The following TYW1B variants were observed in gnomAD, a reference collection of about 807,000 sequenced individuals.
TYW1B encodes tRNA-yW synthesizing protein 1 homolog B.
In TYW1B, 73 loss-of-function variants were observed where a neutral mutation model predicts 86.9. The observed-to-expected ratio is 0.84, with a 90% confidence interval of 0.70 to 1.02. The LOEUF (loss-of-function observed/expected upper bound fraction) is 1.02. TYW1B is among the 50% of genes least tolerant of loss of function. TYW1B has a pLI of 0.00. For synonymous variants in TYW1B, 248 were observed against 292.8 expected (o/e 0.85, Z 1.56); for missense variants, 637 against 827.4 (o/e 0.77, Z 2.82).
At chr7:72,639,885 T>C (rs1386372712) in intron 11 of TYW1B, among the ~76,000 whole-genome samples, 3 of 144,414 alleles carry the variant, frequency 2.1e-5, no homozygotes, top group African/African-American at 5.1e-5. Flanking sequence ...AAAAAAAGAA[T>C]GGTAAGGTCA....
chr7:72,610,883 T>C (rs1487009786), intron 13 of TYW1B, among the ~76,000 whole-genome samples: 1 of 152,188 alleles, frequency 6.6e-6, no homozygotes, highest in African/African-American at 2.4e-5. Context: ...ACTGTGGCAC[T>C]CCCCTACCTA....
intron 11 of TYW1B, among the ~76,000 whole-genome samples, chr7:72,656,319 G>A (rs1264447758): frequency 6.6e-6 from 1 of 152,170 alleles, no homozygotes; most frequent in Non-Finnish European, 1.5e-5. Flanking sequence ...CTTTGCCTCT[G>A]AAAGCTAATC....
chr7:72,677,055 G>C (rs1554447586), intron 11 of TYW1B, among the ~76,000 whole-genome samples: 1 of 152,142 alleles, frequency 6.6e-6, no homozygotes, highest in African/African-American at 2.4e-5. Flanking sequence ...AGGTAGTGAT[G>C]ATTTCACAAG....
intron 7 of TYW1B, among the ~76,000 whole-genome samples, chr7:72,776,708 G>A (rs1242674392): frequency 6.6e-6 from 1 of 150,876 alleles, no homozygotes; most frequent in African/African-American, 2.4e-5. Context: ...CAGGAAAAGG[G>A]AAATAAAAAA....
chr7:72,704,403 C>A lies in TYW1B; in HGVS notation c.1370+9218G>T, dbSNP rs534236474. On this transcript the variant is annotated intron_variant, in intron 10 of 13. Coordinates refer to ENST00000620995, the MANE Select transcript of TYW1B (RefSeq NM_001145440.3). ...GAGCCCAGATCGCACCACTGCACTC[C>A]AGCATAGGAGACAGAATGAGATTCT... 1.4e-3 allele frequency among the ~76,000 whole-genome samples: 209 copies of A among 145,684 alleles called. 2 individuals are homozygous for A. The highest frequency in any genetic ancestry group is 3.5e-3 in the African/African-American group (135 of 38,980).
At position 72,662,422 on chromosome 7, in the gene TYW1B, T is replaced by TAGATAGATAG. The variant is rs1813352098; in HGVS notation, c.1506+32264_1506+32265insCTATCTATCT. 2.4e-3 allele frequency among the ~76,000 whole-genome samples: 165 copies of TAGATAGATAG among 70,072 alleles called. 1 individual carries two copies. Among genetic ancestry groups the TAGATAGATAG allele is most frequent in the South Asian group, 3.2e-3 (7 of 2,198 alleles). The allele number at this position is 70,072 out of a possible 152,430, so 46.0% of individuals were successfully genotyped here. A position where few individuals can be genotyped will look rare whatever the true frequency, so the allele number is the denominator to read the frequency against. On this transcript the variant is annotated intron_variant, in intron 11 of 13. Coordinates refer to ENST00000620995, the MANE Select transcript of TYW1B (RefSeq NM_001145440.3). ...TATATCCCTTCAGGTTTTTAATATA[T>TAGATAGATAG]ATATATAGATAGATAGATAGATAGA...
intron 10 of TYW1B, among the ~76,000 whole-genome samples, chr7:72,705,308 C>T (rs1435878097): frequency 6.6e-6 from 1 of 152,170 alleles, no homozygotes; most frequent in Non-Finnish European, 1.5e-5. Context: ...GGGTGAATGT[C>T]TCAGCAAAAA....
In TYW1B at chr7:72,807,162, G is replaced by A; in HGVS notation, c.627C>T (p.His209=). The stretch of plus-strand genomic sequence containing the variant: ...GAGATTCACATTTGCCTTTCTTGCA[G>A]TGGCCGCCACAGGACTTCTTTCTCT... ...KGERKKSCGG[H]CKKGKCESHQ... is the part of the protein sequence containing the mutation. Residue 209 remains histidine, a synonymous_variant, in exon 5 of 14, where the codon CAC becomes CAT. Transcript: ENST00000620995. 1 of 1,614,022 alleles carries A rather than the reference G, an allele frequency of 6.2e-7. No individual in the cohort carries two copies. The highest frequency in any genetic ancestry group is 1.1e-5 in the South Asian group (1 of 91,058).
intron 1 of TYW1B, among the ~76,000 whole-genome samples, chr7:72,827,549 C>T (rs1394580105): frequency 6.6e-6 from 1 of 152,036 alleles, no homozygotes; most frequent in Admixed American, 6.6e-5. Context: ...CATTTAGAAG[C>T]AAGAGAAGGA....
intron 10 of TYW1B, among the ~76,000 whole-genome samples, chr7:72,701,131 T>C (rs1814461506): frequency 6.6e-6 from 1 of 152,168 alleles, no homozygotes; most frequent in Non-Finnish European, 1.5e-5. Flanking sequence ...ATAGCCAATG[T>C]CAAATCTTTG....
chr7:72,678,172 A>G (rs1314242897), intron 11 of TYW1B, among the ~76,000 whole-genome samples: 1 of 152,154 alleles, frequency 6.6e-6, no homozygotes, highest in Non-Finnish European at 1.5e-5. Context: ...TGCAGGGAAT[A>G]AGAAAATGTC....
intron 7 of TYW1B, among the ~76,000 whole-genome samples, chr7:72,765,511 G>A (rs1173940044): frequency 2.6e-5 from 4 of 152,102 alleles, no homozygotes; most frequent in African/African-American, 4.8e-5. Context: ...TGTCGACCAG[G>A]CTGGAGTGCA....
chr7:72,619,273 A>G (rs1266303612), intron 12 of TYW1B, among the ~76,000 whole-genome samples: 1 of 152,224 alleles, frequency 6.6e-6, no homozygotes, highest in African/African-American at 2.4e-5. Context: ...CTTCCAGAGC[A>G]TCAGGCAGTG....
chr7:72,789,681 T>C (rs1411872007), intron 6 of TYW1B, among the ~76,000 whole-genome samples: 1 of 152,028 alleles, frequency 6.6e-6, no homozygotes, highest in Non-Finnish European at 1.5e-5. Context: ...GTTGCTATGT[T>C]GCCGAGGCTG....
chr7:72,797,653 G>T (rs1788326808), intron 6 of TYW1B, among the ~76,000 whole-genome samples: 1 of 152,148 alleles, frequency 6.6e-6, no homozygotes, highest in Non-Finnish European at 1.5e-5. Context: ...GGAGTTCAAG[G>T]TTGCAGTGAG....
chr7:72,622,457 T>A (rs1240652452), intron 12 of TYW1B, among the ~76,000 whole-genome samples: 14 of 152,334 alleles, frequency 9.2e-5, no homozygotes, highest in Admixed American at 9.2e-4. Context: ...CTAATTTTAA[T>A]ATTGACAGAA....
At chr7:72,804,705 T>C (rs1166204382) in intron 5 of TYW1B, among the ~76,000 whole-genome samples, 1 of 152,110 alleles carries the variant, frequency 6.6e-6, no homozygotes, top group Non-Finnish European at 1.5e-5. Flanking sequence ...CTGGGCATGA[T>C]GGTGCATGCC....
intron 12 of TYW1B, among the ~76,000 whole-genome samples, chr7:72,621,422 C>T (rs1188448399): frequency 6.6e-6 from 1 of 152,220 alleles, no homozygotes; most frequent in African/African-American, 2.4e-5. Context: ...CACCTGCCTC[C>T]GTAGCTTGCG....
intron 7 of TYW1B, among the ~76,000 whole-genome samples, chr7:72,749,494 G>C (rs1198387999): frequency 3.3e-5 from 5 of 152,006 alleles, no homozygotes; most frequent in African/African-American, 1.2e-4. Context: ...GGGGTTCACT[G>C]TATTAGCCAG....
Sources: gnomAD v4.1 joint callset for allele counts (sites outside exome capture counted in the v4.1 genomes callset) on GRCh38, gnomAD v4.1.1 for gene constraint, MANE v1.5 for transcripts, NCBI Gene and HGNC (gene_info 2026-07-23, HGNC 2026-07-21) for gene names.